Variants in CLNK observed in about 807,000 individuals in gnomAD.
CLNK encodes cytokine-dependent hematopoietic cell linker.
In CLNK, 74 loss-of-function variants were observed where a neutral mutation model predicts 68.6. The observed-to-expected ratio is 1.08, with a 90% confidence interval of 0.89 to 1.31. The LOEUF is 1.31. CLNK is among the 50% of genes most tolerant of loss of function. The pLI, the probability that CLNK is intolerant of heterozygous loss-of-function variation, is 0.00. For synonymous variants in CLNK, 198 were observed against 172.2 expected, an observed-to-expected ratio of 1.15 and a Z score of -1.17; for missense variants, 553 against 515.3, an observed-to-expected ratio of 1.07 and a Z score of -0.71.
intron 2 of CLNK, among the ~76,000 whole-genome samples, chr4:10,629,455 G>A (rs1231376814): frequency 6.6e-6 from 1 of 152,166 alleles, no homozygotes; most frequent in African/African-American, 2.4e-5. Flanking sequence ...GCCATGGGGT[G>A]TTCACAGATG....
chr4:10,547,886 A>G (rs187631469), intron 8 of CLNK, among the ~76,000 whole-genome samples: 3 of 152,110 alleles, frequency 2.0e-5, no homozygotes, highest in Non-Finnish European at 2.9e-5. Context: ...TGATCCATTC[A>G]TCTGTCTATG....
chr4:10,604,885 A>G (rs1009239822), intron 2 of CLNK, among the ~76,000 whole-genome samples: 1 of 152,246 alleles, frequency 6.6e-6, no homozygotes, highest in African/African-American at 2.4e-5. Flanking sequence ...TTCAAACACC[A>G]GTGTAGACGT....
chr4:10,513,142 C>T (rs1717670040), intron 16 of CLNK, among the ~76,000 whole-genome samples: 1 of 152,078 alleles, frequency 6.6e-6, no homozygotes, highest in African/African-American at 2.4e-5. Flanking sequence ...TAGTTAACCC[C>T]CCACAAGATT....
At chr4:10,674,263 G>C (rs1260593250) in intron 1 of CLNK, among the ~76,000 whole-genome samples, 1 of 152,010 alleles carries the variant, frequency 6.6e-6, no homozygotes, top group Non-Finnish European at 1.5e-5. Flanking sequence ...AGGAGCCCAG[G>C]GTCCTCCAGG....
chr4:10,589,171 G>C (rs545088953), intron 3 of CLNK, among the ~76,000 whole-genome samples: 3 of 152,322 alleles, frequency 2.0e-5, no homozygotes, highest in Admixed American at 6.5e-5. Flanking sequence ...GTACATTGAA[G>C]GCATAGACTT....
At chr4:10,540,042 G>T (rs1203048285) in intron 11 of CLNK, among the ~76,000 whole-genome samples, 2 of 152,188 alleles carry the variant, frequency 1.3e-5, no homozygotes, top group African/African-American at 4.8e-5. Context: ...TTAGGCTTTT[G>T]TGTCCCCACC....
intron 13 of CLNK, among the ~76,000 whole-genome samples, chr4:10,526,711 T>C (rs1718336624): frequency 6.6e-6 from 1 of 152,200 alleles, no homozygotes; most frequent in South Asian, 2.1e-4. Flanking sequence ...ATACAGTTTC[T>C]CAATTTTTTC....
chr4:10,699,512 A>ATATATATTTTT, the CLNK span, among the ~76,000 whole-genome samples: 16 of 32,742 alleles, frequency 4.9e-4, no homozygotes, highest in African/African-American at 1.6e-3. Context: ...ATATATATAT[A>ATATATATTTTT]TTTTTTTTTT....
chr4:10,672,493 T>C (rs1724687538), intron 1 of CLNK, among the ~76,000 whole-genome samples: 1 of 152,198 alleles, frequency 6.6e-6, no homozygotes, highest in Non-Finnish European at 1.5e-5. Flanking sequence ...GTGGTTAATA[T>C]GAATCTGAAC....
chr4:10,525,058 C>G (rs1432137201), intron 14 of CLNK, among the ~76,000 whole-genome samples: 3 of 152,126 alleles, frequency 2.0e-5, no homozygotes, highest in African/African-American at 7.2e-5. Context: ...CAATAAATAT[C>G]CTGACTGAGC....
At chr4:10,642,672 A>G (rs986612457) in intron 2 of CLNK, among the ~76,000 whole-genome samples, 4 of 151,830 alleles carry the variant, frequency 2.6e-5, no homozygotes, top group African/African-American at 9.7e-5. Flanking sequence ...AAAAAGGGGG[A>G]AAAATAAAAC....
At chr4:10,724,608 G>A in the CLNK span, among the ~76,000 whole-genome samples, 5 of 152,108 alleles carry the variant, frequency 3.3e-5, no homozygotes, top group East Asian at 3.9e-4. Flanking sequence ...GTCCAAGGTC[G>A]TGTGAATAAA....
intron 17 of CLNK, among the ~76,000 whole-genome samples, chr4:10,505,076 C>T (rs1717236741): frequency 6.6e-6 from 1 of 152,170 alleles, no homozygotes; most frequent in Non-Finnish European, 1.5e-5. Flanking sequence ...AGTAGTTCTT[C>T]CGACGGAAAA....
At chr4:10,507,928 C>T (rs565223015) in intron 17 of CLNK, 31 bp downstream of exon 17, 9 of 1,536,706 alleles carry the variant, frequency 5.9e-6, no homozygotes, top group Admixed American at 3.8e-5. Flanking sequence ...CCTATAGAAA[C>T]AATAATGATG....
At chr4:10,561,972 T>C (rs1719904690) in intron 7 of CLNK, among the ~76,000 whole-genome samples, 1 of 152,204 alleles carries the variant, frequency 6.6e-6, no homozygotes, top group South Asian at 2.1e-4. Flanking sequence ...TGGTAGGTGT[T>C]GGGGCTAAAA....
chr4:10,500,313 A>C (rs1716985579), intron 18 of CLNK, among the ~76,000 whole-genome samples: 2 of 151,944 alleles, frequency 1.3e-5, no homozygotes, highest in African/African-American at 4.8e-5. Context: ...CATTTATTTA[A>C]TTTTCTGAGC....
the CLNK span, among the ~76,000 whole-genome samples, chr4:10,707,137 G>T: frequency 6.6e-6 from 1 of 151,992 alleles, no homozygotes; most frequent in Non-Finnish European, 1.5e-5. Context: ...TTAAACCTGG[G>T]GTGTCCAATC....
At chr4:10,584,797 A>T (rs1720911680) in intron 4 of CLNK, 130 bp downstream of exon 4, 2 of 960,272 alleles carry the variant, frequency 2.1e-6, no homozygotes, top group Admixed American at 4.2e-5. Flanking sequence ...AAGGAATGGC[A>T]TTACTAGCTA....
In CLNK at chr4:10,558,453, C is replaced by G; in HGVS notation, c.400-1G>C. 1 of 1,613,568 alleles carries G rather than the reference C, an allele frequency of 6.2e-7. No individual in the cohort carries two copies. The highest frequency in any genetic ancestry group is 8.5e-7 in the Non-Finnish European group (1 of 1,179,548). ...CGTCCTTGGAAATGGGTTTGTCCAC[C>G]TGTACAAGACAATGAGGCACCATTA... On this transcript the variant is annotated splice_acceptor_variant, in intron 7 of 18. Coordinates refer to ENST00000226951, the MANE Select transcript of CLNK (RefSeq NM_052964.4). LOFTEE classifies it high-confidence loss of function.
Sources: allele counts gnomAD v4.1 joint callset (sites outside exome capture counted in the v4.1 genomes callset), GRCh38; gene constraint gnomAD v4.1.1; transcripts MANE v1.5; gene names NCBI Gene and HGNC (gene_info 2026-07-23, HGNC 2026-07-21).